Variants in ERBB4 observed in about 807,000 individuals in gnomAD.
ERBB4 encodes erb-b2 receptor tyrosine kinase 4.
Under a neutral mutation model 158.0 loss-of-function variants are expected in ERBB4, and 42 were observed. The observed-to-expected ratio is 0.27, with a 90% CI of 0.21 to 0.34. The LOEUF is 0.34. Ranked by LOEUF, ERBB4 falls within the 10% of genes least tolerant of loss-of-function variation. The pLI is 1.00. For synonymous variants in ERBB4, 583 were observed against 558.7 expected, an observed-to-expected ratio of 1.04 and a Z score of -0.61; for missense variants, 1,333 against 1,624.1, an observed-to-expected ratio of 0.82 and a Z score of 3.08.
chr2:211,728,855 G>A (rs2074351426), intron 5 of ERBB4, among the ~76,000 whole-genome samples: 1 of 151,610 alleles, frequency 6.6e-6, no homozygotes, highest in African/African-American at 2.4e-5. Context: ...TATTTACTTT[G>A]GTTTTTCCTG....
At chr2:211,491,483 G>T (rs1181816990) in intron 20 of ERBB4, among the ~76,000 whole-genome samples, 3 of 151,946 alleles carry the variant, frequency 2.0e-5, no homozygotes, top group Non-Finnish European at 4.4e-5. Context: ...CTCATAAGTG[G>T]TTAATACATT....
At chr2:211,546,009 T>G (rs538067745) in intron 20 of ERBB4, among the ~76,000 whole-genome samples, 1 of 152,078 alleles carries the variant, frequency 6.6e-6, no homozygotes, top group Non-Finnish European at 1.5e-5. Context: ...TCCCTTTCCA[T>G]AACTACACAT....
chr2:212,343,336 A>T (rs959527922), intron 1 of ERBB4, among the ~76,000 whole-genome samples: 24 of 152,178 alleles, frequency 1.6e-4, no homozygotes, highest in Admixed American at 1.5e-3. Flanking sequence ...CTATTGCTTT[A>T]ATCTATGCTT....
chr2:211,610,956 G>A (rs1255779594), intron 19 of ERBB4, among the ~76,000 whole-genome samples: 1 of 152,000 alleles, frequency 6.6e-6, no homozygotes, highest in Non-Finnish European at 1.5e-5. Flanking sequence ...GTACTTCAAT[G>A]GAGAAATTAA....
intron 4 of ERBB4, among the ~76,000 whole-genome samples, chr2:211,751,279 T>C (rs2075123789): frequency 6.6e-6 from 1 of 152,198 alleles, no homozygotes; most frequent in African/African-American, 2.4e-5. Context: ...ATTTGCATTT[T>C]CAACTCTAAG....
At chr2:211,393,531 C>A (rs914873391) in intron 25 of ERBB4, among the ~76,000 whole-genome samples, 1 of 152,142 alleles carries the variant, frequency 6.6e-6, no homozygotes, top group Admixed American at 6.6e-5. Flanking sequence ...TATGCCTCAA[C>A]TATTTTCTCA....
chr2:212,345,265 C>CAAAAAAAAAAAAAAAAAAAATAAA (rs367985477), intron 1 of ERBB4, among the ~76,000 whole-genome samples: 1 of 77,718 alleles, frequency 1.3e-5, no homozygotes, highest in Non-Finnish European at 2.6e-5. Context: ...GACTCCGTCT[C>CAAAAAAAAAAAAAAAAAAAATAAA]AAAAAAAAAA....
chr2:212,252,786 A>G (rs1371911046), intron 1 of ERBB4, among the ~76,000 whole-genome samples: 1 of 152,138 alleles, frequency 6.6e-6, no homozygotes, highest in Non-Finnish European at 1.5e-5. Context: ...AGAGTCACAG[A>G]TGCTATCACT....
chr2:211,977,531 T>TTAAAAA (rs1445827351), intron 2 of ERBB4, among the ~76,000 whole-genome samples: 706 of 67,648 alleles, frequency 0.01, 18 homozygotes, highest in African/African-American at 0.032. Context: ...ATATTGACTT[T>TTAAAAA]AAAAAAAAAA....
At chr2:211,643,757 CAG>C (rs1388490515) in intron 16 of ERBB4, among the ~76,000 whole-genome samples, 2 of 151,852 alleles carry the variant, frequency 1.3e-5, no homozygotes, top group Non-Finnish European at 2.9e-5. Context: ...TGGAGGGGGA[CAG>C]GGGTGGGAGG....
chr2:211,988,376 C>G (rs1169532522), intron 2 of ERBB4, among the ~76,000 whole-genome samples: 1 of 152,068 alleles, frequency 6.6e-6, no homozygotes, highest in East Asian at 1.9e-4. Context: ...TCCTAGCTAC[C>G]TCAAAGTGCT....
chr2:211,412,057 C>T (rs115738300), intron 25 of ERBB4, among the ~76,000 whole-genome samples: 1 of 147,284 alleles, frequency 6.8e-6, no homozygotes, highest in Non-Finnish European at 1.5e-5. Flanking sequence ...ACAACAGAAA[C>T]AGAAGATAGG....
chr2:212,419,272 A>G (rs573244196), intron 1 of ERBB4, among the ~76,000 whole-genome samples: 61 of 152,088 alleles, frequency 4.0e-4, no homozygotes, highest in African/African-American at 1.5e-3. Flanking sequence ...TACATGCTGT[A>G]ACATGTAATC....
intron 1 of ERBB4, among the ~76,000 whole-genome samples, chr2:212,333,933 G>T (rs948200934): frequency 6.6e-6 from 1 of 152,014 alleles, no homozygotes; most frequent in Non-Finnish European, 1.5e-5. Flanking sequence ...GACTCAGATA[G>T]TGTCACTGCT....
intron 1 of ERBB4, among the ~76,000 whole-genome samples, chr2:212,289,663 G>C (rs970994612): frequency 1.3e-5 from 2 of 152,082 alleles, no homozygotes; most frequent in Non-Finnish European, 2.9e-5. Context: ...GAGTATCTGA[G>C]GGCAGAATTT....
chr2:211,658,896 C>A (rs1056856105), intron 15 of ERBB4, among the ~76,000 whole-genome samples: 5 of 152,126 alleles, frequency 3.3e-5, no homozygotes, highest in African/African-American at 1.2e-4. Context: ...TACTCGAACT[C>A]TTTATCTTTT....
At chr2:211,835,540 T>C (rs991878895) in intron 3 of ERBB4, among the ~76,000 whole-genome samples, 1 of 152,114 alleles carries the variant, frequency 6.6e-6, no homozygotes, top group Non-Finnish European at 1.5e-5. Flanking sequence ...TAAAATTTCA[T>C]CTTATGATGT....
chr2:211,889,698 G>C (rs951491573), intron 3 of ERBB4, among the ~76,000 whole-genome samples: 1 of 145,940 alleles, frequency 6.9e-6, no homozygotes, highest in African/African-American at 2.6e-5. Flanking sequence ...AACCAATACA[G>C]AGAAGTGCTT....
At chr2:212,036,713 C>T (rs1169989594) in intron 2 of ERBB4, among the ~76,000 whole-genome samples, 1 of 152,156 alleles carries the variant, frequency 6.6e-6, no homozygotes, top group Non-Finnish European at 1.5e-5. Context: ...ATCCTCCCGC[C>T]TCGGCCTGAC....
Sources: allele counts gnomAD v4.1 joint callset (sites outside exome capture counted in the v4.1 genomes callset), GRCh38; gene constraint gnomAD v4.1.1; transcripts MANE v1.5; gene names NCBI Gene and HGNC (gene_info 2026-07-23, HGNC 2026-07-21).